LPP: variants seen among roughly 807,000 people sequenced by gnomAD.
The protein encoded by LPP is lipoma-preferred partner.
In LPP, 38 loss-of-function variants were observed where a neutral mutation model predicts 60.4. The observed-to-expected ratio is 0.63, with a 90% CI of 0.49 to 0.83. LPP has a LOEUF of 0.83. Among genes scored for constraint, LPP ranks in the 40% least tolerant of loss-of-function variants. The pLI is 0.00. For synonymous variants in LPP, 328 were observed against 290.8 expected, an observed-to-expected ratio of 1.13 and a Z score of -1.30; for missense variants, 902 against 783.6, an observed-to-expected ratio of 1.15 and a Z score of -1.80.
At chr3:188,759,895 G>A (rs752171012) in intron 8 of LPP, among the ~76,000 whole-genome samples, 17 of 152,218 alleles carry the variant, frequency 1.1e-4, no homozygotes, top group East Asian at 7.7e-4. Context: ...CCCCTCAACC[G>A]ATTAATGTAA....
At chr3:188,191,455 A>T (rs1485061173) in intron 1 of LPP, among the ~76,000 whole-genome samples, 1 of 152,146 alleles carries the variant, frequency 6.6e-6, no homozygotes, top group Non-Finnish European at 1.5e-5. Flanking sequence ...GCATCAGAGG[A>T]CCATTAAAGG....
chr3:188,204,582 C>G (rs1339564020), intron 1 of LPP, among the ~76,000 whole-genome samples: 1 of 152,038 alleles, frequency 6.6e-6, no homozygotes, highest in Non-Finnish European at 1.5e-5. Context: ...TATTTTTACA[C>G]CTGTTGGCTT....
intron 8 of LPP, among the ~76,000 whole-genome samples, chr3:188,753,330 C>T (rs899876874): frequency 3.9e-5 from 6 of 152,146 alleles, no homozygotes; most frequent in African/African-American, 2.4e-5. Flanking sequence ...TTTACATCAG[C>T]GAAACATGCT....
chr3:188,817,521 C>G (rs983954478), intron 9 of LPP, among the ~76,000 whole-genome samples: 3 of 152,180 alleles, frequency 2.0e-5, no homozygotes, highest in Non-Finnish European at 2.9e-5. Flanking sequence ...TGTTTCAATT[C>G]GTATGCCATG....
intron 9 of LPP, among the ~76,000 whole-genome samples, chr3:188,770,829 C>T (rs796435790): frequency 3.3e-4 from 50 of 152,314 alleles, no homozygotes; most frequent in African/African-American, 1.1e-3. Flanking sequence ...TGCTATTCTG[C>T]ATTCTTCCCT....
intron 6 of LPP, among the ~76,000 whole-genome samples, chr3:188,597,898 A>T (rs1014482932): frequency 6.6e-6 from 1 of 152,158 alleles, no homozygotes; most frequent in African/African-American, 2.4e-5. Flanking sequence ...TTCTACCCAC[A>T]TGGAGTTTAG....
intron 4 of LPP, among the ~76,000 whole-genome samples, chr3:188,467,719 G>C (rs1179326568): frequency 6.6e-6 from 1 of 152,080 alleles, no homozygotes; most frequent in African/African-American, 2.4e-5. Flanking sequence ...AAAACTTAAC[G>C]TGTCTTTGCT....
At chr3:188,809,094 TG>T (rs1220565700) in intron 9 of LPP, among the ~76,000 whole-genome samples, 18 of 152,348 alleles carry the variant, frequency 1.2e-4, no homozygotes, top group Non-Finnish European at 1.5e-5. Context: ...GATGGACATT[TG>T]GGTTGGTTCC....
chr3:188,860,994 C>T (rs1341468580), intron 9 of LPP, among the ~76,000 whole-genome samples: 1 of 152,192 alleles, frequency 6.6e-6, no homozygotes, highest in Admixed American at 6.5e-5. Flanking sequence ...CCCAATCTGT[C>T]ACTAGCTGTG....
intron 9 of LPP, among the ~76,000 whole-genome samples, chr3:188,798,138 A>G (rs1478505880): frequency 6.6e-6 from 1 of 152,216 alleles, no homozygotes; most frequent in Non-Finnish European, 1.5e-5. Context: ...CATATAAAAT[A>G]TAAGTAGTAA....
At chr3:188,518,721 A>T (rs1180050800) in intron 5 of LPP, among the ~76,000 whole-genome samples, 2 of 152,194 alleles carry the variant, frequency 1.3e-5, no homozygotes, top group African/African-American at 4.8e-5. Context: ...GTTCATGGTC[A>T]TGTATGTTTT....
chr3:188,613,270 A>ATATCTATATCTATATC (rs1844121034), intron 7 of LPP, among the ~76,000 whole-genome samples: 1 of 136,136 alleles, frequency 7.3e-6, no homozygotes, highest in African/African-American at 2.8e-5. Flanking sequence ...ACCTATATCT[A>ATATCTATATCTATATC]TATCTATATC....
chr3:188,691,787 C>T (rs546346610), intron 7 of LPP, among the ~76,000 whole-genome samples: 29 of 152,286 alleles, frequency 1.9e-4, no homozygotes, highest in Admixed American at 1.9e-3. Flanking sequence ...ACTGTTGACT[C>T]CTAGTTACCA....
chr3:188,816,557 C>T (rs541428561), intron 9 of LPP, among the ~76,000 whole-genome samples: 1 of 152,252 alleles, frequency 6.6e-6, no homozygotes, highest in East Asian at 1.9e-4. Flanking sequence ...CTCAATTCCA[C>T]TCTCTTAGGC....
At chr3:188,715,789 A>G (rs1221006166) in intron 8 of LPP, among the ~76,000 whole-genome samples, 3 of 152,208 alleles carry the variant, frequency 2.0e-5, no homozygotes, top group African/African-American at 7.2e-5. Context: ...TCATACATGC[A>G]TGTCTGTGAC....
In LPP at chr3:188,201,576, G is replaced by A. The variant is rs1005374051; in HGVS notation, c.-189-23829G>A. 1.2e-4 allele frequency among the ~76,000 whole-genome samples: 18 copies of A among 151,998 alleles called. No individual in the cohort carries two copies. In the South Asian group the frequency reaches 1.9e-3, roughly 16 times the overall value. On this transcript the variant is annotated intron_variant, in intron 1 of 11. Coordinates refer to ENST00000617246, the MANE Select transcript of LPP (RefSeq NM_001375462.1). ...ACAAAAATTAGCCAGGAGTGGTGGC[G>A]CATGCCTGTAATCCCAGCTATTTGG...
rs573471553 is a variant in LPP, at chr3:188,217,027, A to C, written c.-189-8378A>C. ...ATTATCCCAGTACTCGATTTAGAGC[A>C]AAGAGTAAGACACACACAACAACGA... On this transcript the variant is annotated intron_variant, in intron 1 of 11. Coordinates refer to ENST00000617246, the MANE Select transcript of LPP (RefSeq NM_001375462.1). The surrounding 1 kb of genome is among the most constrained non-coding windows in gnomAD (Gnocchi z 4.0). 2.0e-4 allele frequency among the ~76,000 whole-genome samples: 31 copies of C among 152,342 alleles called. 1 individual carries two copies. The South Asian group carries it at 5.6e-3, about 27-fold the overall frequency.
chr3:188,673,727 A>T (rs891027038), intron 7 of LPP, among the ~76,000 whole-genome samples: 1 of 152,136 alleles, frequency 6.6e-6, no homozygotes, highest in African/African-American at 2.4e-5. Flanking sequence ...TTTTGAGTGC[A>T]TGATGTGAAA....
At chr3:188,585,131 A>G (rs772290342) in intron 6 of LPP, among the ~76,000 whole-genome samples, 14 of 152,234 alleles carry the variant, frequency 9.2e-5, no homozygotes, top group Non-Finnish European at 2.1e-4. Context: ...ATCACACGGC[A>G]TAATCTAACT....
Sources: allele counts gnomAD v4.1 joint callset (sites outside exome capture counted in the v4.1 genomes callset), GRCh38; gene constraint gnomAD v4.1.1; non-coding constraint Gnocchi (gnomAD v3.1); transcripts MANE v1.5; gene names NCBI Gene and HGNC (gene_info 2026-07-23, HGNC 2026-07-21).